The following TVP23B variants were observed in gnomAD, a reference collection of about 807,000 sequenced individuals.
The protein encoded by TVP23B is Golgi apparatus membrane protein TVP23 homolog B.
TVP23B carries 10 observed loss-of-function variants against 30.6 expected under a neutral mutation model. That is an observed-to-expected ratio of 0.33 (90% CI 0.20 to 0.55). The LOEUF is 0.55. Among genes scored for constraint, TVP23B ranks in the 20% least tolerant of loss-of-function variants. The pLI is 0.91. For missense variants in TVP23B, 153 were observed against 243.2 expected, an observed-to-expected ratio of 0.63 and a Z score of 2.47; for synonymous variants, 67 against 83.1, an observed-to-expected ratio of 0.81 and a Z score of 1.06.
chr17:18,802,039 G>A (rs1008049532), intron 5 of TVP23B, among the ~76,000 whole-genome samples: 1 of 152,102 alleles, frequency 6.6e-6, no homozygotes, highest in Admixed American at 6.5e-5. Context: ...TGGCTAACAT[G>A]GTGAAACCCT....
At chr17:18,800,818 T>TA (rs1468070912) in intron 5 of TVP23B, among the ~76,000 whole-genome samples, 3 of 152,260 alleles carry the variant, frequency 2.0e-5, no homozygotes, top group African/African-American at 7.2e-5. Flanking sequence ...AAGTACCAGT[T>TA]ACGTTTATGT....
Position 18,801,422 on chromosome 17 carries a change from T to G in TVP23B, c.462+2479T>G, listed in dbSNP as rs567785097. Among the ~76,000 whole-genome samples, 282 of 152,254 alleles carry G rather than the reference T, an allele frequency of 1.9e-3. 1 individual carries two copies. Among genetic ancestry groups the G allele is most frequent in the African/African-American group, 6.6e-3 (276 of 41,526 alleles). On this transcript the variant is annotated intron_variant, in intron 5 of 6. Coordinates refer to ENST00000307767, the MANE Select transcript of TVP23B (RefSeq NM_016078.6). The stretch of plus-strand genomic sequence containing the variant: ...AGCCCTTCTCTTTCTGCTGGTTTAG[T>G]GCGGGTGAATCCCCCTTGACCACCT...
chr17:18,805,875 T>C lies in TVP23B; in HGVS notation c.*308T>C. On this transcript the variant is annotated 3_prime_UTR_variant, in exon 7 of 7. Transcript: ENST00000307767. ...AGTATATCCCAAGTTAATGAAAGTG[T>C]TCATTTACATAGGTAATGGAGACCT... 7 of 1,139,442 alleles carry C rather than the reference T, an allele frequency of 6.1e-6. No individual in the cohort carries two copies. Among genetic ancestry groups the C allele is most frequent in the Non-Finnish European group, 6.5e-6 (6 of 926,486 alleles). 70.6% of individuals were successfully genotyped at this position (1,139,442 alleles called of 1,614,324 possible).
intron 3 of TVP23B, 40 bp from the exon 4 acceptor site, chr17:18,797,539 A>T: frequency 6.2e-7 from 1 of 1,612,962 alleles, no homozygotes. Flanking sequence ...TCTTTAAATA[A>T]TGCTTTTAAA....
At chr17:18,781,327 G>C in intron 1 of TVP23B, 22 bp downstream of exon 1, 1 of 1,576,846 alleles carries the variant, frequency 6.3e-7, no homozygotes, top group Non-Finnish European at 8.6e-7. Context: ...AGGGCTCGCT[G>C]GGAGGGTGGC....
Position 18,798,759 on chromosome 17 carries a change from C to T in TVP23B, c.331-53C>T. ...TATGTTTTTTATTAAACATGTTGAACTTTTTATTGATAAATTTCACAACAT... is the reference window on the plus strand; with the variant it reads ...TATGTTTTTTATTAAACATGTTGAATTTTTTATTGATAAATTTCACAACAT... On this transcript the variant is annotated intron_variant, in intron 4 of 6. Coordinates refer to ENST00000307767, the MANE Select transcript of TVP23B (RefSeq NM_016078.6). 4 of 1,580,154 alleles carry T rather than the reference C, an allele frequency of 2.5e-6. No homozygotes were observed. The South Asian group carries it at 4.6e-5, about 18-fold the overall frequency.
At chr17:18,791,223 C>A (rs1597617819) in intron 3 of TVP23B, among the ~76,000 whole-genome samples, 183 bp downstream of exon 3, 2 of 74,906 alleles carry the variant, frequency 2.7e-5, no homozygotes, top group Non-Finnish European at 2.6e-5. Context: ...CATTTTTTCC[C>A]TTTGACAATA....
rs971102975 is a variant in TVP23B at position 18,790,929 on chromosome 17, T to C, written c.129T>C (p.Phe43=). 20 of 1,611,522 alleles carry C rather than the reference T, an allele frequency of 1.2e-5. No individual in the cohort carries two copies. The highest frequency in any genetic ancestry group is 1.7e-5 in the Admixed American group (1 of 59,256). The change falls in exon 3 of 7, where the codon TTT becomes TTC. Residue 43 remains phenylalanine (F), a synonymous_variant. Coordinates refer to ENST00000307767, the MANE Select transcript of TVP23B (RefSeq NM_016078.6). ...HPVASFFHLF[F]RVSAIIVYLL... ...TAGCATCGTTTTTCCACTTATTCTT[T>C]CGAGTCAGTGCAATCATCGTCTATC...
intron 3 of TVP23B, among the ~76,000 whole-genome samples, chr17:18,791,538 A>G (rs2035994627): frequency 6.6e-6 from 1 of 152,064 alleles, no homozygotes; most frequent in Admixed American, 6.6e-5. Context: ...CACCCACTGA[A>G]TATTTGTCAG....
In TVP23B at chr17:18,789,364, T is replaced by C; in HGVS notation, c.24T>C (p.Asp8=). 1 of 1,613,876 alleles carries C rather than the reference T, an allele frequency of 6.2e-7. No individual in the cohort carries two copies. Among genetic ancestry groups the C allele is most frequent in the Non-Finnish European group, 8.5e-7 (1 of 1,179,864 alleles). The change falls in exon 2 of 7, where the codon GAT becomes GAC. Residue 8 remains aspartate (D), a synonymous_variant. Coordinates refer to ENST00000307767, the MANE Select transcript of TVP23B (RefSeq NM_016078.6). MLQQDSN[D]DTEDVSLFDA... The stretch of plus-strand genomic sequence containing the variant: ...ATTTTTCCTACCAGGATAGTAATGA[T>C]GACACTGAAGATGTTTCACTGTTTG...
rs150556078 is a variant in TVP23B at position 18,785,881 on chromosome 17, A to T, written c.13-3472A>T. ...GGGCAGGAGCTTAGGTACTGTATAA[A>T]TTTCCTGTTGCTACTGCGGCAGTGA... On this transcript the variant is annotated intron_variant, in intron 1 of 6. Transcript: ENST00000307767. 7.6e-3 allele frequency among the ~76,000 whole-genome samples: 1,156 copies of T among 152,020 alleles called. 13 individuals are homozygous for T. The highest frequency in any genetic ancestry group is 0.026 in the African/African-American group (1,086 of 41,428).
intron 1 of TVP23B, chr17:18,781,741 C>T (rs1451779607): frequency 2.5e-5 from 5 of 198,396 alleles, no homozygotes; most frequent in South Asian, 1.5e-4. Context: ...GTGATTCTCT[C>T]CTTTGTGCTC....
chr17:18,785,831 G>T (rs1483503064), intron 1 of TVP23B, among the ~76,000 whole-genome samples: 1 of 151,294 alleles, frequency 6.6e-6, no homozygotes, highest in Non-Finnish European at 1.5e-5. Flanking sequence ...CAGACCCTGT[G>T]TCAAAAAAAA....
At chr17:18,786,299 A>C (rs1021717471) in intron 1 of TVP23B, among the ~76,000 whole-genome samples, 1 of 151,104 alleles carries the variant, frequency 6.6e-6, no homozygotes, top group African/African-American at 2.4e-5. Context: ...GAACCTAAAC[A>C]TTTTTGGGAG....
At chr17:18,795,814 T>C (rs1267164224) in intron 3 of TVP23B, 1 of 152,210 alleles carries the variant, frequency 6.6e-6, no homozygotes, top group African/African-American at 2.4e-5. Flanking sequence ...CACATAACTT[T>C]TATTAGATTA....
chr17:18,801,199 T>G (rs1048876531), intron 5 of TVP23B, among the ~76,000 whole-genome samples: 4 of 152,098 alleles, frequency 2.6e-5, no homozygotes, highest in Non-Finnish European at 5.9e-5. Flanking sequence ...TTTGAGTTCT[T>G]TTCTTTAGGT....
intron 1 of TVP23B, among the ~76,000 whole-genome samples, chr17:18,783,884 C>T (rs2035854352): frequency 6.6e-6 from 1 of 152,220 alleles, no homozygotes; most frequent in African/African-American, 2.4e-5. Flanking sequence ...CGGTGGCTCA[C>T]GCCTGTAATC....
intron 1 of TVP23B, chr17:18,789,145 G>C: frequency 4.1e-6 from 3 of 733,256 alleles, no homozygotes; most frequent in Non-Finnish European, 6.4e-6. Flanking sequence ...GAGGAGCTGA[G>C]ACTTCGATTA....
Position 18,805,789 on chromosome 17 carries a change from A to G in TVP23B, c.*222A>G. 41 of 1,412,938 alleles carry G rather than the reference A, an allele frequency of 2.9e-5. No homozygotes were observed. The highest frequency in any genetic ancestry group is 3.8e-5 in the Non-Finnish European group (41 of 1,084,730). The allele number at this position is 1,412,938 out of a possible 1,614,324, so 87.5% of individuals were successfully genotyped here. A position where few individuals can be genotyped will look rare whatever the true frequency, so the allele number is the denominator to read the frequency against. On this transcript the variant is annotated 3_prime_UTR_variant, in exon 7 of 7. Coordinates refer to ENST00000307767, the MANE Select transcript of TVP23B (RefSeq NM_016078.6). ...TGTGTTGGCACTAGAAACATTGTCA[A>G]GATTTGTTCTGTGGTGTAGGTATGC...
Sources: allele counts gnomAD v4.1 joint callset (sites outside exome capture counted in the v4.1 genomes callset), GRCh38; gene constraint gnomAD v4.1.1; transcripts MANE v1.5; gene names NCBI Gene and HGNC (gene_info 2026-07-23, HGNC 2026-07-21).